The following CHSY3 variants were observed in gnomAD, a reference collection of about 807,000 sequenced individuals.
CHSY3 encodes N-acetylgalactosaminyl-proteoglycan 3-beta-glucuronosyltransferase 3.
A neutral mutation model predicts 67.2 loss-of-function variants in CHSY3; 35 were observed. That is an observed-to-expected ratio of 0.52 (90% CI 0.40 to 0.69). CHSY3 has a LOEUF of 0.69. Among genes scored for constraint, CHSY3 ranks in the 30% least tolerant of loss-of-function variants. The probability of loss-of-function intolerance (pLI) is 0.00; values close to 1 mark genes in which losing one functional copy is unlikely to be tolerated. For synonymous variants in CHSY3, 474 were observed against 434.7 expected (o/e 1.09, Z -1.12); for missense variants, 1,069 against 1,138.5 (o/e 0.94, Z 0.88).
chr5:130,105,093 G>A (rs1267157189), intron 2 of CHSY3, among the ~76,000 whole-genome samples: 1 of 151,542 alleles, frequency 6.6e-6, no homozygotes, highest in East Asian at 1.9e-4. Context: ...TGAGTAATGT[G>A]ATAACAATAT....
chr5:130,098,977 A>G (rs541327585), intron 2 of CHSY3, among the ~76,000 whole-genome samples: 11 of 152,278 alleles, frequency 7.2e-5, no homozygotes, highest in African/African-American at 2.4e-4. Context: ...GACTTGCAGC[A>G]CAACCCTAAA....
intron 2 of CHSY3, among the ~76,000 whole-genome samples, chr5:130,154,278 GA>G (rs1291789074): frequency 2.0e-5 from 3 of 152,130 alleles, no homozygotes; most frequent in Non-Finnish European, 2.9e-5. Context: ...AGAATTTAAG[GA>G]ATAGCTCTTC....
chr5:130,035,891 T>TTTTG (rs1226369702), intron 2 of CHSY3, among the ~76,000 whole-genome samples: 1 of 145,338 alleles, frequency 6.9e-6, no homozygotes, highest in African/African-American at 2.5e-5. Context: ...TGGTTGTTTT[T>TTTTG]TTTTTTTTTT....
At chr5:130,012,975 C>T (rs1256812268) in intron 2 of CHSY3, among the ~76,000 whole-genome samples, 2 of 152,010 alleles carry the variant, frequency 1.3e-5, no homozygotes, top group Admixed American at 6.6e-5. Context: ...AAGTTTGTTA[C>T]ATCCTAGATA....
chr5:129,905,691 C>T, intron 1 of CHSY3, 60 bp downstream of exon 1: 1 of 1,573,914 alleles, frequency 6.4e-7, no homozygotes, highest in South Asian at 1.2e-5. Context: ...TCTCTGTAAC[C>T]GGTCCTAGCC....
intron 2 of CHSY3, among the ~76,000 whole-genome samples, chr5:130,093,702 A>G (rs1321087656): frequency 6.6e-6 from 1 of 152,194 alleles, no homozygotes; most frequent in Non-Finnish European, 1.5e-5. Flanking sequence ...TCAATACTTT[A>G]GGCTTTACCT....
intron 2 of CHSY3, among the ~76,000 whole-genome samples, chr5:130,067,756 G>C (rs971187630): frequency 6.6e-6 from 1 of 152,094 alleles, no homozygotes; most frequent in Admixed American, 6.6e-5. Flanking sequence ...GATTATGTAT[G>C]TTTGTATATC....
At position 130,167,891 on chromosome 5, in the gene CHSY3, T is replaced by C. The variant is rs189635425; in HGVS notation, c.1087-16338T>C. ...GTTTCAAATAATGTAGAAAAAAATC[T>C]AGGAGCTCTCCTTTTCCTAGAAGAA... On this transcript the variant is annotated intron_variant, in intron 2 of 2. Transcript: ENST00000305031. Among the ~76,000 whole-genome samples the C allele has an allele frequency of 6.4e-4, 97 of 152,202 alleles. 2 individuals are homozygous for C. The East Asian group carries it at 0.016, about 25-fold the overall frequency.
chr5:130,181,994 A>G (rs1470666930), intron 2 of CHSY3, among the ~76,000 whole-genome samples: 4 of 39,686 alleles, frequency 1.0e-4, no homozygotes, highest in East Asian at 8.4e-4. Context: ...AGGTGTATGT[A>G]TGTATATATA....
chr5:130,128,191 A>G (rs1443336530), intron 2 of CHSY3, among the ~76,000 whole-genome samples: 1 of 151,420 alleles, frequency 6.6e-6, no homozygotes, highest in Non-Finnish European at 1.5e-5. Context: ...AAGATTAAAA[A>G]ATATTTTTAG....
At chr5:130,020,417 C>T (rs1459200491) in intron 2 of CHSY3, among the ~76,000 whole-genome samples, 1 of 97,702 alleles carries the variant, frequency 1.0e-5, no homozygotes, top group African/African-American at 4.0e-5. Flanking sequence ...AAGACTTCAT[C>T]TCAAAATATA....
At chr5:129,937,159 G>C (rs1259571566) in intron 2 of CHSY3, among the ~76,000 whole-genome samples, 1 of 152,190 alleles carries the variant, frequency 6.6e-6, no homozygotes, top group Non-Finnish European at 1.5e-5. Context: ...AATTTATAAA[G>C]AGAAGAGGTT....
intron 2 of CHSY3, among the ~76,000 whole-genome samples, chr5:130,179,459 C>G (rs1770180285): frequency 6.6e-6 from 1 of 152,048 alleles, no homozygotes; most frequent in African/African-American, 2.4e-5. Context: ...CGTTCTATCC[C>G]TTAATAATAG....
chr5:130,107,565 CA>C (rs1423234821), intron 2 of CHSY3, among the ~76,000 whole-genome samples: 1 of 151,446 alleles, frequency 6.6e-6, no homozygotes, highest in African/African-American at 2.4e-5. Context: ...CTGCTTTATA[CA>C]TACATATACC....
rs372969923 is a variant in CHSY3 at position 130,118,428 on chromosome 5, CTCTA to C, written c.1087-65797_1087-65794del. On this transcript the variant is annotated intron_variant, in intron 2 of 2. Transcript: ENST00000305031. The stretch of plus-strand genomic sequence containing the variant: ...TTGCACATCTACAATTACTACATCT[CTCTA>C]TCTGTCTATATATACACACACACAC... Among the ~76,000 whole-genome samples, 270 of 152,096 alleles carry C rather than the reference CTCTA, an allele frequency of 1.8e-3. 2 individuals are homozygous for C. Among genetic ancestry groups the C allele is most frequent in the South Asian group, 4.6e-3 (22 of 4,818 alleles).
chr5:130,033,046 A>C (rs749869592), intron 2 of CHSY3, among the ~76,000 whole-genome samples: 1 of 152,154 alleles, frequency 6.6e-6, no homozygotes, highest in Non-Finnish European at 1.5e-5. Flanking sequence ...GCTGAAGCAG[A>C]CCCAGATGAA....
chr5:129,960,546 C>T lies in CHSY3; in HGVS notation c.1086+52186C>T, dbSNP rs367848744. Reference sequence around the variant, plus strand: ...ACATTTTGGTCATTTTACTTAAATACGTGAGAAAACGGAAATTACAAAAAA... The same window carrying T: ...ACATTTTGGTCATTTTACTTAAATATGTGAGAAAACGGAAATTACAAAAAA... On this transcript the variant is annotated intron_variant, in intron 2 of 2. Transcript: ENST00000305031. Among the ~76,000 whole-genome samples the T allele has an allele frequency of 1.4e-4, 22 of 151,860 alleles. No homozygotes were observed. In the East Asian group the frequency reaches 2.3e-3, roughly 16 times the overall value.
chr5:130,107,588 T>C (rs770488058), intron 2 of CHSY3, among the ~76,000 whole-genome samples: 8 of 151,616 alleles, frequency 5.3e-5, no homozygotes, highest in Non-Finnish European at 1.0e-4. Flanking sequence ...CTTTTGCAAA[T>C]GTGCTGTTAG....
At chr5:130,012,446 C>T (rs529705284) in intron 2 of CHSY3, among the ~76,000 whole-genome samples, 1 of 152,270 alleles carries the variant, frequency 6.6e-6, no homozygotes, top group South Asian at 2.1e-4. Flanking sequence ...AGTCCATTCT[C>T]ATGCTACTGT....
Sources: gnomAD v4.1 joint callset for allele counts (sites outside exome capture counted in the v4.1 genomes callset) on GRCh38, gnomAD v4.1.1 for gene constraint, MANE v1.5 for transcripts, NCBI Gene and HGNC (gene_info 2026-07-23, HGNC 2026-07-21) for gene names.